Variants in ZDHHC17 observed in about 807,000 individuals in gnomAD.
ZDHHC17 encodes the protein zDHHC palmitoyltransferase 17.
Under a neutral mutation model 90.3 loss-of-function variants are expected in ZDHHC17, and 40 were observed. The ratio of observed to expected loss-of-function variants is 0.44; its 90% CI spans 0.34 to 0.58. ZDHHC17 has a LOEUF of 0.58. Among genes scored for constraint, ZDHHC17 ranks in the 20% least tolerant of loss-of-function variants. ZDHHC17 has a pLI of 0.01. For synonymous variants in ZDHHC17, 235 were observed against 252.4 expected (o/e 0.93, Z 0.65); for missense variants, 614 against 780.8 (o/e 0.79, Z 2.55).
chr12:76,809,184 T>G, intron 4 of ZDHHC17, 64 bp downstream of exon 4: 1 of 1,153,746 alleles, frequency 8.7e-7, no homozygotes, highest in Non-Finnish European at 1.2e-6. Flanking sequence ...TAAACAACTT[T>G]AAAAAAATGA....
intron 1 of ZDHHC17, chr12:76,764,760 C>G (rs1044926093): frequency 2.2e-6 from 1 of 460,726 alleles, no homozygotes; most frequent in African/African-American, 2.0e-5. Context: ...CTATTGCTTC[C>G]TTTTAGTCCA....
intron 1 of ZDHHC17, among the ~76,000 whole-genome samples, chr12:76,774,192 G>A (rs1952529474): frequency 6.6e-6 from 1 of 152,128 alleles, no homozygotes; most frequent in South Asian, 2.1e-4. Context: ...TGAGGCTGCA[G>A]TGAGCCGAGA....
chr12:76,822,593 T>A, intron 8 of ZDHHC17, 62 bp downstream of exon 8: 1 of 1,384,828 alleles, frequency 7.2e-7, no homozygotes, highest in Non-Finnish European at 9.9e-7. Flanking sequence ...TCGCTCTTGT[T>A]GCCCAGGCTG....
chr12:76,806,832 C>CT (rs1432307431), intron 3 of ZDHHC17, among the ~76,000 whole-genome samples: 1 of 152,234 alleles, frequency 6.6e-6, no homozygotes, highest in East Asian at 1.9e-4. Flanking sequence ...GTAAAATGAA[C>CT]TAAATGAACT....
intron 1 of ZDHHC17, among the ~76,000 whole-genome samples, chr12:76,770,089 A>G (rs1952475789): frequency 1.3e-5 from 2 of 152,158 alleles, no homozygotes; most frequent in South Asian, 4.1e-4. Context: ...CCAATTTTCC[A>G]AACTAAAATG....
Position 76,764,289 on chromosome 12 carries a change from A to G in ZDHHC17, c.53A>G (p.Tyr18Cys). 1 of 1,607,146 alleles carries G rather than the reference A, an allele frequency of 6.2e-7. No homozygotes were observed. The highest frequency in any genetic ancestry group is 8.5e-7 in the Non-Finnish European group (1 of 1,177,010). Residue 18 changes from tyrosine to cysteine, a missense_variant, in exon 1 of 17, where the codon TAC becomes TGC. Tyr to Cys is a radical substitution (Grantham distance 194). This residue lies in a region of ZDHHC17 where 358 missense variants were observed against 380.4 expected (regional missense o/e 0.94). Coordinates refer to ENST00000426126, the MANE Select transcript of ZDHHC17 (RefSeq NM_015336.4). ...AAGATGGCGGACGGCCCGGATGAGT[A>G]CGATACCGAAGCGGGCTGTGTGCCC... ...NTKMADGPDE[Y>C]DTEAGCVPLL...
intron 14 of ZDHHC17, among the ~76,000 whole-genome samples, chr12:76,847,994 T>C (rs1384034995): frequency 6.6e-6 from 1 of 152,222 alleles, no homozygotes; most frequent in Non-Finnish European, 1.5e-5. Context: ...TCAAATAAAA[T>C]TGTTAATTCT....
intron 1 of ZDHHC17, among the ~76,000 whole-genome samples, chr12:76,780,644 C>T (rs1952611893): frequency 6.6e-6 from 1 of 152,162 alleles, no homozygotes; most frequent in African/African-American, 2.4e-5. Context: ...ACATGTGCCC[C>T]ACTTTCCAAG....
At chr12:76,791,312 A>T (rs967571639) in intron 1 of ZDHHC17, among the ~76,000 whole-genome samples, 3 of 152,216 alleles carry the variant, frequency 2.0e-5, no homozygotes, top group African/African-American at 7.2e-5. Flanking sequence ...AACAATAAGC[A>T]TTCCTTTAAA....
intron 1 of ZDHHC17, among the ~76,000 whole-genome samples, chr12:76,788,428 CA>C (rs1952717436): frequency 6.6e-6 from 1 of 151,570 alleles, no homozygotes; most frequent in African/African-American, 2.4e-5. Context: ...AAATGAAAAC[CA>C]AAAAAGCACA....
intron 1 of ZDHHC17, among the ~76,000 whole-genome samples, chr12:76,765,158 C>T (rs1952417466): frequency 6.6e-6 from 1 of 152,318 alleles, no homozygotes; most frequent in East Asian, 1.9e-4. Context: ...CTGTATGCGG[C>T]AGCGGCACAG....
chr12:76,818,616 G>A (rs1225703255), intron 7 of ZDHHC17, among the ~76,000 whole-genome samples: 4 of 152,154 alleles, frequency 2.6e-5, no homozygotes, highest in African/African-American at 7.2e-5. Context: ...GTTATACAGA[G>A]ACATGTGGGA....
At chr12:76,810,089 A>G (rs1292557042) in intron 5 of ZDHHC17, among the ~76,000 whole-genome samples, 1 of 152,190 alleles carries the variant, frequency 6.6e-6, no homozygotes, top group East Asian at 1.9e-4. Flanking sequence ...TTCTAAGAGT[A>G]ATGGAGATAA....
intron 8 of ZDHHC17, among the ~76,000 whole-genome samples, chr12:76,826,370 T>A (rs1399647671): frequency 6.6e-6 from 1 of 152,232 alleles, no homozygotes; most frequent in African/African-American, 2.4e-5. Flanking sequence ...CCTTGATCTT[T>A]GTTCAGAGAC....
At chr12:76,823,478 C>T (rs182147500) in intron 8 of ZDHHC17, among the ~76,000 whole-genome samples, 117 of 152,240 alleles carry the variant, frequency 7.7e-4, no homozygotes, top group African/African-American at 2.7e-3. Context: ...AATCTTATTT[C>T]CCACAAAAAA....
chr12:76,777,697 CT>C (rs1952574542), intron 1 of ZDHHC17, among the ~76,000 whole-genome samples: 1 of 152,098 alleles, frequency 6.6e-6, no homozygotes, highest in Non-Finnish European at 1.5e-5. Flanking sequence ...GGTATTGTCA[CT>C]TTGTTGTGAT....
chr12:76,816,118 A>G lies in ZDHHC17; in HGVS notation c.771+99A>G, dbSNP rs1592484375. The G allele has an allele frequency of 5.0e-6, 5 of 991,984 alleles. No individual in the cohort carries two copies. In the East Asian group the frequency reaches 1.6e-4, roughly 31 times the overall value. The allele number at this position is 991,984 out of a possible 1,614,324, so 61.4% of individuals were successfully genotyped here. A position where few individuals can be genotyped will look rare whatever the true frequency, so the allele number is the denominator to read the frequency against. On this transcript the variant is annotated intron_variant, in intron 7 of 16. Coordinates refer to ENST00000426126, the MANE Select transcript of ZDHHC17 (RefSeq NM_015336.4). ...TCATAGACTGTCAGAGTTGAAAGAA[A>G]CTTCTTCAATACAGGTTTACAGTTA...
At chr12:76,831,728 C>T (rs1346327507) in intron 10 of ZDHHC17, among the ~76,000 whole-genome samples, 1 of 152,128 alleles carries the variant, frequency 6.6e-6, no homozygotes, top group Non-Finnish European at 1.5e-5. Flanking sequence ...CTCACTGCTG[C>T]CTCAACCTCC....
chr12:76,771,264 G>A (rs1952489458), intron 1 of ZDHHC17, among the ~76,000 whole-genome samples: 1 of 152,166 alleles, frequency 6.6e-6, no homozygotes, highest in East Asian at 1.9e-4. Flanking sequence ...TAATTTGAAA[G>A]TACAGTGAAA....
Sources: gnomAD v4.1 joint callset for allele counts (sites outside exome capture counted in the v4.1 genomes callset) on GRCh38, gnomAD v4.1.1 for gene constraint, gnomAD v4.1.1 regional missense constraint, MANE v1.5 for transcripts, NCBI Gene and HGNC (gene_info 2026-07-23, HGNC 2026-07-21) for gene names.